Variants in SPAG16 observed in about 807,000 individuals in gnomAD.
The protein encoded by SPAG16 is sperm associated antigen 16.
In SPAG16, 86 loss-of-function variants were observed where a neutral mutation model predicts 80.4. The observed-to-expected ratio is 1.07, with a 90% CI of 0.90 to 1.28. The LOEUF (loss-of-function observed/expected upper bound fraction) is 1.28, where lower values mean the gene tolerates loss of function less well. Among genes scored for constraint, SPAG16 ranks in the 50% most tolerant of loss-of-function variants. The pLI, the probability that SPAG16 is intolerant of heterozygous loss-of-function variation, is 0.00. For synonymous variants in SPAG16, 294 were observed against 265.9 expected, an observed-to-expected ratio of 1.11 and a Z score of -1.03; for missense variants, 870 against 765.3, an observed-to-expected ratio of 1.14 and a Z score of -1.61.
chr2:213,753,344 A>G (rs1441286582), intron 10 of SPAG16, among the ~76,000 whole-genome samples: 1 of 151,988 alleles, frequency 6.6e-6, no homozygotes, highest in African/African-American at 2.4e-5. Context: ...TTATCTTACT[A>G]CTTTCTTTCT....
chr2:214,353,298 A>T (rs1242320245), intron 15 of SPAG16, among the ~76,000 whole-genome samples: 1 of 152,134 alleles, frequency 6.6e-6, no homozygotes, highest in East Asian at 1.9e-4. Flanking sequence ...CTGAGGAAAA[A>T]AAATCGACAG....
intron 15 of SPAG16, among the ~76,000 whole-genome samples, chr2:214,394,216 CTCTCTT>C (rs1291494264): frequency 1.3e-5 from 2 of 152,044 alleles, no homozygotes; most frequent in African/African-American, 2.4e-5. Flanking sequence ...TTTTTTCTCT[CTCTCTT>C]TCTAAGTCAA....
chr2:214,403,489 G>C (rs139411137), intron 15 of SPAG16, among the ~76,000 whole-genome samples: 1 of 151,758 alleles, frequency 6.6e-6, no homozygotes, highest in African/African-American at 2.4e-5. Context: ...TTCTTTCTTC[G>C]TTTGAAACCT....
intron 10 of SPAG16, among the ~76,000 whole-genome samples, chr2:213,663,043 C>A (rs565954428): frequency 6.6e-6 from 1 of 151,992 alleles, no homozygotes; most frequent in Non-Finnish European, 1.5e-5. Flanking sequence ...AGATGGACAT[C>A]AATCTGAAAT....
chr2:214,046,523 C>T (rs895850721), intron 13 of SPAG16, among the ~76,000 whole-genome samples: 1 of 152,020 alleles, frequency 6.6e-6, no homozygotes, highest in African/African-American at 2.4e-5. Context: ...GGATTTGTTC[C>T]AGGAATGCAA....
chr2:213,450,017 C>T (rs980411707), intron 9 of SPAG16, among the ~76,000 whole-genome samples: 4 of 152,034 alleles, frequency 2.6e-5, no homozygotes, highest in African/African-American at 7.3e-5. Flanking sequence ...TAAAAAGAAA[C>T]TGTCAGGCCA....
intron 15 of SPAG16, among the ~76,000 whole-genome samples, chr2:214,375,687 T>TAACA (rs1574442786): frequency 6.6e-6 from 1 of 152,206 alleles, no homozygotes. Flanking sequence ...CTTTGTTGTC[T>TAACA]AACACTGTAT....
At position 213,452,841 on chromosome 2, in the gene SPAG16, A is replaced by G. The variant is rs561433271; in HGVS notation, c.943-37122A>G. ...ATCACCTGTCTTTGAAAGATGGGCT[A>G]TTGTATCAGCTAGACTAATAAAAAT... On this transcript the variant is annotated intron_variant, in intron 9 of 15. Transcript: ENST00000331683. 2.6e-5 allele frequency among the ~76,000 whole-genome samples: 4 copies of G among 152,366 alleles called. No individual in the cohort carries two copies. In the East Asian group the frequency reaches 5.8e-4, roughly 22 times the overall value.
chr2:214,094,666 G>T (rs1341963961), intron 13 of SPAG16, among the ~76,000 whole-genome samples: 1 of 152,024 alleles, frequency 6.6e-6, no homozygotes, highest in African/African-American at 2.4e-5. Flanking sequence ...TACACAATTT[G>T]TATGGCTGAA....
intron 9 of SPAG16, among the ~76,000 whole-genome samples, chr2:213,406,927 A>T (rs2068638026): frequency 7.3e-6 from 1 of 136,244 alleles, no homozygotes; most frequent in Admixed American, 7.4e-5. Flanking sequence ...GCTCTCAGCG[A>T]CGCGGATTTA....
intron 15 of SPAG16, among the ~76,000 whole-genome samples, chr2:214,359,816 T>TA (rs1049814071): frequency 6.6e-6 from 1 of 151,938 alleles, no homozygotes; most frequent in Non-Finnish European, 1.5e-5. Context: ...GATAAATTAT[T>TA]AAAAAAACAT....
chr2:213,835,239 C>A (rs1172946027), intron 10 of SPAG16, among the ~76,000 whole-genome samples: 1 of 152,178 alleles, frequency 6.6e-6, no homozygotes, highest in African/African-American at 2.4e-5. Context: ...TAGTGCCAGG[C>A]TGTCTCCTCT....
chr2:213,738,474 T>C (rs1297441940), intron 10 of SPAG16, among the ~76,000 whole-genome samples: 1 of 152,198 alleles, frequency 6.6e-6, no homozygotes, highest in Non-Finnish European at 1.5e-5. Flanking sequence ...AACTAATTTA[T>C]TTCATAACAG....
intron 13 of SPAG16, among the ~76,000 whole-genome samples, chr2:214,049,143 CA>C (rs1212953619): frequency 6.6e-6 from 1 of 152,166 alleles, no homozygotes; most frequent in Non-Finnish European, 1.5e-5. Flanking sequence ...CTATGTTGCC[CA>C]GGCTGATCTC....
intron 3 of SPAG16, among the ~76,000 whole-genome samples, chr2:213,301,969 A>C (rs1327413561): frequency 3.3e-5 from 5 of 152,164 alleles, no homozygotes; most frequent in African/African-American, 1.2e-4. Flanking sequence ...CTTCATTCAC[A>C]TATCTAAGGC....
intron 15 of SPAG16, among the ~76,000 whole-genome samples, chr2:214,383,383 G>A (rs1444880110): frequency 2.0e-5 from 3 of 151,848 alleles, no homozygotes; most frequent in African/African-American, 7.3e-5. Flanking sequence ...GACAAGCCTG[G>A]CCACCATGGC....
chr2:214,407,918 CTT>C (rs1042913397), intron 15 of SPAG16, among the ~76,000 whole-genome samples: 3 of 152,082 alleles, frequency 2.0e-5, no homozygotes, highest in Admixed American at 6.6e-5. Flanking sequence ...TGATTATAAA[CTT>C]ATATTCATTT....
chr2:214,004,344 C>CA (rs984806039), intron 12 of SPAG16, among the ~76,000 whole-genome samples: 13 of 152,058 alleles, frequency 8.5e-5, no homozygotes, highest in African/African-American at 3.1e-4. Flanking sequence ...GTCAGGGTAG[C>CA]AAAAAATTAC....
intron 10 of SPAG16, among the ~76,000 whole-genome samples, chr2:213,782,822 A>G (rs2125586684): frequency 6.6e-6 from 1 of 152,360 alleles, no homozygotes; most frequent in East Asian, 1.9e-4. Context: ...TCTAAAAGTA[A>G]GAATTAAATA....
Sources: allele counts gnomAD v4.1 joint callset (sites outside exome capture counted in the v4.1 genomes callset), GRCh38; gene constraint gnomAD v4.1.1; transcripts MANE v1.5; gene names NCBI Gene and HGNC (gene_info 2026-07-23, HGNC 2026-07-21).